The following RSRC2 variants were observed in gnomAD, a reference collection of about 807,000 sequenced individuals.
RSRC2 encodes the protein arginine and serine rich coiled-coil 2.
In RSRC2, 5 loss-of-function variants were observed where a neutral mutation model predicts 61.3. That is an observed-to-expected ratio of 0.08 (90% CI 0.04 to 0.17). The LOEUF (loss-of-function observed/expected upper bound fraction) is 0.17, where lower values mean the gene tolerates loss of function less well. Ranked by LOEUF, RSRC2 falls within the 10% of genes least tolerant of loss-of-function variation. The pLI is 1.00. For synonymous variants in RSRC2, 202 were observed against 166.5 expected, an observed-to-expected ratio of 1.21 and a Z score of -1.64; for missense variants, 381 against 518.8, an observed-to-expected ratio of 0.73 and a Z score of 2.58.
At chr12:122,524,036 G>C (rs558635365) in intron 1 of RSRC2, among the ~76,000 whole-genome samples, 1 of 152,302 alleles carries the variant, frequency 6.6e-6, no homozygotes, top group African/African-American at 2.4e-5. Flanking sequence ...TATTTCTCCA[G>C]TCTGGGTGAC....
chr12:122,507,015 A>G, intron 8 of RSRC2, 92 bp from the exon 9 acceptor site: 1 of 716,324 alleles, frequency 1.4e-6, no homozygotes, highest in Non-Finnish European at 2.4e-6. Flanking sequence ...AAAAAAAAAA[A>G]CACCATGGAT....
chr12:122,514,989 C>A, intron 6 of RSRC2, 116 bp downstream of exon 6: 1 of 1,124,918 alleles, frequency 8.9e-7, no homozygotes. Flanking sequence ...ACAAATATGC[C>A]ACCATATTAC....
At chr12:122,507,306 T>C (rs754416766) in intron 8 of RSRC2, 79 of 243,312 alleles carry the variant, frequency 3.2e-4, no homozygotes, top group Non-Finnish European at 4.8e-4. Flanking sequence ...TGCTTGAACC[T>C]GGGAGGCAGA....
intron 9 of RSRC2, 64 bp from the exon 10 acceptor site, chr12:122,505,770 A>G: frequency 1.4e-6 from 2 of 1,381,786 alleles, no homozygotes; most frequent in Non-Finnish European, 2.0e-6. Flanking sequence ...CTCACTTGAC[A>G]CTATTTTTTA....
intron 6 of RSRC2, chr12:122,513,777 C>G: frequency 1.0e-6 from 1 of 985,364 alleles, no homozygotes; most frequent in Non-Finnish European, 1.2e-6. Flanking sequence ...ACTTTTGCTG[C>G]TGTTCAGCTG....
intron 3 of RSRC2, chr12:122,519,295 C>G (rs182964852): frequency 5.3e-6 from 2 of 375,854 alleles, no homozygotes; most frequent in Non-Finnish European, 4.9e-6. Flanking sequence ...TATTGAAAAG[C>G]CATTATGCCA....
At chr12:122,508,596 C>T (rs1241167025) in intron 7 of RSRC2, 149 bp from the exon 8 acceptor site, 1 of 641,712 alleles carries the variant, frequency 1.6e-6, no homozygotes, top group East Asian at 2.7e-5. Flanking sequence ...AGTATTAGCT[C>T]ACAAGTTTTT....
chr12:122,525,792 C>A lies in RSRC2; in HGVS notation c.6+1056G>T, dbSNP rs994622296. On this transcript the variant is annotated intron_variant, in intron 1 of 9. Coordinates refer to ENST00000331738, the MANE Select transcript of RSRC2 (RefSeq NM_023012.6). The stretch of plus-strand genomic sequence containing the variant: ...TTACGAACTGTAGCTCCTCTGGGGT[C>A]AACGAAGAGTTTTTTTTTTTTTTTT... Among the ~76,000 whole-genome samples, 6 of 142,370 alleles carry A rather than the reference C, an allele frequency of 4.2e-5. 1 individual carries two copies. The highest frequency in any genetic ancestry group is 2.2e-4 in the Admixed American group (3 of 13,420). The allele number at this position is 142,370 out of a possible 152,430, so 93.4% of individuals were successfully genotyped here.
chr12:122,513,244 TAAAATAAAATA>T (rs1157335633), intron 6 of RSRC2, among the ~76,000 whole-genome samples: 26 of 47,138 alleles, frequency 5.5e-4, no homozygotes, highest in African/African-American at 1.0e-3. Context: ...AATAAATAAA[TAAAATAAAATA>T]AAAATAAAAA....
At chr12:122,515,342 G>A in intron 5 of RSRC2, 115 bp from the exon 6 acceptor site, 2 of 1,043,914 alleles carry the variant, frequency 1.9e-6, no homozygotes, top group Non-Finnish European at 1.4e-6. Context: ...TTTAGTTTGA[G>A]ATGCAAAAGA....
intron 2 of RSRC2, 90 bp from the exon 3 acceptor site, chr12:122,521,518 C>G: frequency 9.2e-7 from 1 of 1,090,030 alleles, no homozygotes; most frequent in South Asian, 1.3e-5. Flanking sequence ...AAAAATGACT[C>G]CCATTAGTCT....
intron 5 of RSRC2, among the ~76,000 whole-genome samples, chr12:122,516,350 C>T (rs1356031916): frequency 2.0e-5 from 3 of 152,176 alleles, no homozygotes; most frequent in Non-Finnish European, 4.4e-5. Flanking sequence ...AAAGCCTCCT[C>T]CCACCAATCA....
At chr12:122,506,810 T>TC in intron 9 of RSRC2, 24 bp downstream of exon 9, 1 of 1,367,826 alleles carries the variant, frequency 7.3e-7, no homozygotes. Context: ...AATACAAAGA[T>TC]CCCCTGGCAC....
chr12:122,524,314 G>C (rs887162040), intron 1 of RSRC2, among the ~76,000 whole-genome samples: 2 of 151,732 alleles, frequency 1.3e-5, no homozygotes, highest in African/African-American at 4.8e-5. Context: ...CTGAGTGTTT[G>C]TACAGCTTAC....
intron 4 of RSRC2, among the ~76,000 whole-genome samples, chr12:122,518,159 G>C (rs575600221): frequency 1.5e-4 from 23 of 152,088 alleles, no homozygotes; most frequent in Non-Finnish European, 2.9e-4. Flanking sequence ...GATTAGCTGG[G>C]TGTGGTGGCG....
At chr12:122,507,504 C>CA (rs200977113) in intron 8 of RSRC2, among the ~76,000 whole-genome samples, 42,255 of 144,022 alleles carry the variant, frequency 0.29, 7,511 homozygotes, top group African/African-American at 0.51. Flanking sequence ...CAAATAATGT[C>CA]AAAAAAAAAA....
intron 3 of RSRC2, chr12:122,520,730 C>T (rs1593414134): frequency 4.9e-6 from 2 of 407,246 alleles, no homozygotes; most frequent in East Asian, 7.1e-5. Flanking sequence ...GAGTCCCTTA[C>T]CCAGCCCCCA....
At chr12:122,509,447 C>T (rs1958333647) in intron 7 of RSRC2, among the ~76,000 whole-genome samples, 2 of 148,820 alleles carry the variant, frequency 1.3e-5, no homozygotes, top group Admixed American at 1.3e-4. Context: ...GAGCCTCCGT[C>T]TCAAAAAAAA....
intron 6 of RSRC2, among the ~76,000 whole-genome samples, chr12:122,511,992 A>G (rs1003445816): frequency 1.3e-5 from 2 of 151,970 alleles, no homozygotes; most frequent in African/African-American, 4.8e-5. Context: ...TTTTTAGTAG[A>G]GATGGGGTTT....
Sources: allele counts gnomAD v4.1 joint callset (sites outside exome capture counted in the v4.1 genomes callset), GRCh38; gene constraint gnomAD v4.1.1; transcripts MANE v1.5; gene names NCBI Gene and HGNC (gene_info 2026-07-23, HGNC 2026-07-21).